Variants in ST8SIA1 observed in about 807,000 individuals in gnomAD.
The protein encoded by ST8SIA1 is alpha-N-acetylneuraminide alpha-2,8-sialyltransferase.
ST8SIA1 carries 16 observed loss-of-function variants against 35.9 expected under a neutral mutation model. The ratio of observed to expected loss-of-function variants is 0.45; its 90% CI spans 0.30 to 0.68. ST8SIA1 has a LOEUF of 0.68. Among genes scored for constraint, ST8SIA1 ranks in the 30% least tolerant of loss-of-function variants. The pLI, the probability that ST8SIA1 is intolerant of heterozygous loss-of-function variation, is 0.09. For missense variants in ST8SIA1, 383 were observed against 453.6 expected (o/e 0.84, Z 1.41); for synonymous variants, 170 against 169.6 (o/e 1.00, Z -0.02).
intron 4 of ST8SIA1, among the ~76,000 whole-genome samples, chr12:22,228,584 A>G (rs1342669686): frequency 6.6e-6 from 1 of 152,226 alleles, no homozygotes; most frequent in African/African-American, 2.4e-5. Flanking sequence ...AGACAGAGTC[A>G]TTGCCATTGG....
chr12:22,227,226 G>A (rs1052907098), intron 4 of ST8SIA1, among the ~76,000 whole-genome samples: 1 of 151,830 alleles, frequency 6.6e-6, no homozygotes, highest in Non-Finnish European at 1.5e-5. Flanking sequence ...TTACTGGTGT[G>A]AGCCACCACA....
intron 4 of ST8SIA1, among the ~76,000 whole-genome samples, chr12:22,203,773 C>T (rs924420502): frequency 6.6e-6 from 1 of 152,142 alleles, no homozygotes; most frequent in Non-Finnish European, 1.5e-5. Context: ...CCACCCATAT[C>T]TTCTAATATG....
At chr12:22,238,661 T>G (rs754186271) in intron 4 of ST8SIA1, among the ~76,000 whole-genome samples, 1 of 152,202 alleles carries the variant, frequency 6.6e-6, no homozygotes, top group South Asian at 2.1e-4. Flanking sequence ...AAAGAAGAGC[T>G]AAAAACACTT....
intron 4 of ST8SIA1, among the ~76,000 whole-genome samples, chr12:22,225,048 C>T (rs1865340047): frequency 6.6e-6 from 1 of 152,048 alleles, no homozygotes; most frequent in Non-Finnish European, 1.5e-5. Flanking sequence ...GTCTATCAGC[C>T]AGGAAAGCTA....
intron 4 of ST8SIA1, among the ~76,000 whole-genome samples, chr12:22,209,500 A>G (rs1227657479): frequency 6.6e-6 from 1 of 152,248 alleles, no homozygotes; most frequent in African/African-American, 2.4e-5. Context: ...ATAATAACAA[A>G]GAAATCTGTG....
intron 4 of ST8SIA1, among the ~76,000 whole-genome samples, chr12:22,210,330 G>A (rs917202241): frequency 2.6e-5 from 4 of 152,170 alleles, no homozygotes; most frequent in African/African-American, 4.8e-5. Flanking sequence ...TACCTCCAGG[G>A]ATAGCAGTGG....
Position 22,223,497 on chromosome 12 carries a change from C to T in ST8SIA1, c.585-21459G>A, listed in dbSNP as rs938002539. On this transcript the variant is annotated intron_variant, in intron 4 of 4. Coordinates refer to ENST00000396037, the MANE Select transcript of ST8SIA1 (RefSeq NM_003034.4). ...GCCGGGATTCCAGCTGTGATGCTGGCGCAGCCAATGTCATGTACCTGTGTG... is the reference window on the plus strand; with the variant it reads ...GCCGGGATTCCAGCTGTGATGCTGGTGCAGCCAATGTCATGTACCTGTGTG... The T allele has an allele frequency of 8.1e-5, 81 of 998,634 alleles. 1 individual carries two copies. The South Asian group carries it at 1.2e-3, about 15-fold the overall frequency. The allele number at this position is 998,634 out of a possible 1,614,324, so 61.9% of individuals were successfully genotyped here. A position where few individuals can be genotyped will look rare whatever the true frequency, so the allele number is the denominator to read the frequency against.
chr12:22,320,463 C>A (rs575522920), intron 1 of ST8SIA1, among the ~76,000 whole-genome samples: 3 of 152,314 alleles, frequency 2.0e-5, no homozygotes, highest in Admixed American at 6.5e-5. Context: ...AGGCCACAGC[C>A]TTTCCACCCC....
intron 4 of ST8SIA1, among the ~76,000 whole-genome samples, chr12:22,222,204 C>A (rs1413754283): frequency 1.3e-5 from 2 of 152,140 alleles, no homozygotes; most frequent in Admixed American, 1.3e-4. Context: ...CTTTTAACAT[C>A]ACACTGAAGG....
chr12:22,224,503 GT>G (rs1052958797), intron 4 of ST8SIA1, among the ~76,000 whole-genome samples: 11 of 151,966 alleles, frequency 7.2e-5, no homozygotes, highest in East Asian at 3.9e-4. Context: ...TAGAGACAGG[GT>G]TTTGCCCACC....
intron 1 of ST8SIA1, among the ~76,000 whole-genome samples, chr12:22,323,750 C>G (rs1380306195): frequency 6.6e-6 from 1 of 152,092 alleles, no homozygotes; most frequent in Non-Finnish European, 1.5e-5. Context: ...CAAAGTAACC[C>G]AGGAACAGAA....
chr12:22,202,603 A>G (rs1303037327), intron 4 of ST8SIA1, among the ~76,000 whole-genome samples: 1 of 152,280 alleles, frequency 6.6e-6, no homozygotes, highest in African/African-American at 2.4e-5. Context: ...CTTGCTCCAA[A>G]GAACTCTACT....
intron 3 of ST8SIA1, chr12:22,250,717 GTC>G (rs1565577939): frequency 6.6e-6 from 1 of 152,174 alleles, no homozygotes; most frequent in Non-Finnish European, 1.5e-5. Context: ...CTCTGATTTT[GTC>G]TCTTATTTAC....
Position 22,334,431 on chromosome 12 carries a change from G to A in ST8SIA1, c.-199C>T. ...TTTTTTCAAATGCAACTTTTCCAAG[G>A]ATTTCTTTCTAGGGGAAGTGGCTGG... On this transcript the variant is annotated 5_prime_UTR_variant, in exon 1 of 5. Transcript: ENST00000396037. 1.7e-6 allele frequency: 1 copy of A among 597,056 alleles called. No homozygotes were observed. The highest frequency in any genetic ancestry group is 3.0e-6 in the Non-Finnish European group (1 of 336,064). 37.0% of individuals were successfully genotyped at this position (597,056 alleles called of 1,614,324 possible).
intron 4 of ST8SIA1, among the ~76,000 whole-genome samples, chr12:22,210,924 C>A (rs1865169197): frequency 6.6e-6 from 1 of 152,140 alleles, no homozygotes; most frequent in Non-Finnish European, 1.5e-5. Flanking sequence ...AAGACAAACA[C>A]CAAGCTGTAA....
At chr12:22,246,771 T>G (rs1865609038) in intron 4 of ST8SIA1, among the ~76,000 whole-genome samples, 2 of 152,164 alleles carry the variant, frequency 1.3e-5, no homozygotes, top group South Asian at 4.1e-4. Flanking sequence ...GTTCCTAGAT[T>G]CACCACATCA....
At chr12:22,246,770 T>G (rs1008319268) in intron 4 of ST8SIA1, among the ~76,000 whole-genome samples, 2 of 152,154 alleles carry the variant, frequency 1.3e-5, no homozygotes, top group African/African-American at 4.8e-5. Flanking sequence ...GGTTCCTAGA[T>G]TCACCACATC....
intron 1 of ST8SIA1, among the ~76,000 whole-genome samples, chr12:22,332,363 C>A (rs1866778532): frequency 6.6e-6 from 1 of 152,238 alleles, no homozygotes; most frequent in Admixed American, 6.5e-5. Flanking sequence ...ACTGTATCCT[C>A]CAACAAGAAA....
rs748613202 is a variant in ST8SIA1, at chr12:22,334,278, A to AC, written c.-47_-46insG. The AC allele has an allele frequency of 1.7e-5, 26 of 1,505,674 alleles. No homozygotes were observed. Among genetic ancestry groups the AC allele is most frequent in the Admixed American group, 7.3e-5 (4 of 55,038 alleles). The allele number at this position is 1,505,674 out of a possible 1,614,324, so 93.3% of individuals were successfully genotyped here. On this transcript the variant is annotated 5_prime_UTR_variant, in exon 1 of 5. Coordinates refer to ENST00000396037, the MANE Select transcript of ST8SIA1 (RefSeq NM_003034.4). ...GGCGGGGGCCGGGGCCTCAGCACAA[A>AC]GCTAGGCGAAGTGGCAGCGGAGGGT...
Sources: allele counts gnomAD v4.1 joint callset (sites outside exome capture counted in the v4.1 genomes callset), GRCh38; gene constraint gnomAD v4.1.1; transcripts MANE v1.5; gene names NCBI Gene and HGNC (gene_info 2026-07-23, HGNC 2026-07-21).